The following ASB3 variants were observed in gnomAD, a reference collection of about 807,000 sequenced individuals.
ASB3 encodes ankyrin repeat and SOCS box protein 3.
A neutral mutation model predicts 54.5 loss-of-function variants in ASB3; 41 were observed. That is an observed-to-expected ratio of 0.75 (90% CI 0.59 to 0.98). The LOEUF is 0.98. Ranked by LOEUF, ASB3 falls within the 50% of genes least tolerant of loss-of-function variation. ASB3 has a pLI of 0.00. For synonymous variants in ASB3, 266 were observed against 221.2 expected, an observed-to-expected ratio of 1.20 and a Z score of -1.80; for missense variants, 733 against 620.0, an observed-to-expected ratio of 1.18 and a Z score of -1.94.
intron 5 of ASB3, among the ~76,000 whole-genome samples, chr2:53,719,083 G>C (rs1489696851): frequency 6.6e-6 from 1 of 152,076 alleles, no homozygotes; most frequent in African/African-American, 2.4e-5. Flanking sequence ...ACCACGCCCA[G>C]CTGATTTTTG....
At chr2:53,720,764 T>C (rs1237700727) in intron 5 of ASB3, among the ~76,000 whole-genome samples, 1 of 152,112 alleles carries the variant, frequency 6.6e-6, no homozygotes, top group Non-Finnish European at 1.5e-5. Context: ...ACTCCACTCA[T>C]CAACCACAGA....
At chr2:53,677,091 T>C (rs1233572184) in intron 9 of ASB3, among the ~76,000 whole-genome samples, 1 of 152,162 alleles carries the variant, frequency 6.6e-6, no homozygotes, top group Non-Finnish European at 1.5e-5. Flanking sequence ...TTACTGTACT[T>C]TTCCTATGTT....
intron 7 of ASB3, among the ~76,000 whole-genome samples, chr2:53,709,595 T>C (rs1276512656): frequency 1.3e-5 from 2 of 152,226 alleles, no homozygotes; most frequent in African/African-American, 2.4e-5. Context: ...AATAAAATGA[T>C]GGCATTTCCT....
intron 5 of ASB3, among the ~76,000 whole-genome samples, chr2:53,717,691 C>G (rs1012866020): frequency 3.3e-5 from 5 of 152,096 alleles, no homozygotes; most frequent in African/African-American, 1.2e-4. Flanking sequence ...GGTTCCTGAC[C>G]CAAATGGAAA....
intron 9 of ASB3, among the ~76,000 whole-genome samples, chr2:53,677,596 A>C (rs1486870981): frequency 6.6e-6 from 1 of 152,190 alleles, no homozygotes; most frequent in Non-Finnish European, 1.5e-5. Context: ...ATATTATTTC[A>C]GCCAGTTTTA....
chr2:53,776,512 TA>T (rs1477104415), intron 1 of ASB3, among the ~76,000 whole-genome samples: 3 of 152,204 alleles, frequency 2.0e-5, no homozygotes, highest in Non-Finnish European at 4.4e-5. Flanking sequence ...TATGGATTTC[TA>T]AAACCTTGAA....
chr2:53,700,505 T>G lies in ASB3; in HGVS notation c.1004A>C (p.Asn335Thr). The part of the protein sequence containing the change: ...QKDCEFFGIV[N>T]ILLKYGAQIN... ...CTGGGCTCCATATTTCAAAAGAATG[T>G]TCACAATTCCAAAGAACTCACAGCT... Residue 335 changes from asparagine (N) to threonine (T), a missense_variant, in exon 8 of 10, where the codon AAC (asparagine) becomes ACC (threonine). Asn to Thr is a moderately conservative substitution (Grantham distance 65). Coordinates refer to ENST00000263634, the MANE Select transcript of ASB3 (RefSeq NM_016115.5). 6.2e-7 allele frequency: 1 copy of G among 1,611,322 alleles called. No individual in the cohort carries two copies. Among genetic ancestry groups the G allele is most frequent in the Non-Finnish European group, 8.5e-7 (1 of 1,179,090 alleles).
chr2:53,775,465 C>G (rs1674272754), intron 1 of ASB3, among the ~76,000 whole-genome samples: 1 of 152,028 alleles, frequency 6.6e-6, no homozygotes, highest in Non-Finnish European at 1.5e-5. Context: ...CAGGCACCTC[C>G]TGGAATTATA....
intron 7 of ASB3, 31 bp downstream of exon 7, chr2:53,714,353 T>C (rs752195759): frequency 6.8e-6 from 11 of 1,606,124 alleles, no homozygotes; most frequent in Non-Finnish European, 9.3e-6. Flanking sequence ...CAAAAAAGAA[T>C]AAAAAATAAA....
At chr2:53,683,360 G>C (rs568810487) in intron 9 of ASB3, among the ~76,000 whole-genome samples, 1 of 151,868 alleles carries the variant, frequency 6.6e-6, no homozygotes, top group Admixed American at 6.6e-5. Context: ...TGTAGAATTC[G>C]GTTTGCTAGT....
chr2:53,776,497 A>G (rs1674344502), intron 1 of ASB3, among the ~76,000 whole-genome samples: 1 of 152,080 alleles, frequency 6.6e-6, no homozygotes, highest in African/African-American at 2.4e-5. Flanking sequence ...TTGGCAATCT[A>G]TTTTTATGGA....
At chr2:53,700,681 G>C (rs1384602437) in intron 7 of ASB3, 153 bp from the exon 8 acceptor site, 54 of 1,177,440 alleles carry the variant, frequency 4.6e-5, no homozygotes, top group Admixed American at 9.5e-5. Flanking sequence ...TGAGATTAGA[G>C]AATGTGGTGG....
chr2:53,703,227 C>T (rs1669587477), intron 7 of ASB3, among the ~76,000 whole-genome samples: 1 of 152,186 alleles, frequency 6.6e-6, no homozygotes, highest in Non-Finnish European at 1.5e-5. Context: ...AGATGGATTA[C>T]TCAATTACTC....
intron 9 of ASB3, among the ~76,000 whole-genome samples, chr2:53,680,279 C>T (rs144375198): frequency 6.6e-6 from 1 of 152,184 alleles, no homozygotes; most frequent in Non-Finnish European, 1.5e-5. Flanking sequence ...ATTGCTGGAT[C>T]GAACAGTATG....
At chr2:53,688,468 A>G (rs1572846057) in intron 9 of ASB3, among the ~76,000 whole-genome samples, 1 of 152,314 alleles carries the variant, frequency 6.6e-6, no homozygotes, top group South Asian at 2.1e-4. Flanking sequence ...AAGCTGAAAA[A>G]TCCAGTCTTT....
At position 53,723,544 on chromosome 2, in the gene ASB3, A is replaced by C. The variant is rs141439448; in HGVS notation, c.604+5168T>G. ...TTATGCTTCAATGCTATTCCTATCAAACTACCGACACCATTTTTTACAGAA... is the reference window on the plus strand; with the variant it reads ...TTATGCTTCAATGCTATTCCTATCACACTACCGACACCATTTTTTACAGAA... On this transcript the variant is annotated intron_variant, in intron 5 of 9. Coordinates refer to ENST00000263634, the MANE Select transcript of ASB3 (RefSeq NM_016115.5). Among the ~76,000 whole-genome samples the C allele has an allele frequency of 2.5e-3, 380 of 152,254 alleles. 1 individual carries two copies. The highest frequency in any genetic ancestry group is 8.9e-3 in the African/African-American group (370 of 41,550).
At chr2:53,677,988 A>C (rs1485349808) in intron 9 of ASB3, among the ~76,000 whole-genome samples, 1 of 152,102 alleles carries the variant, frequency 6.6e-6, no homozygotes, top group African/African-American at 2.4e-5. Context: ...AGCTCTTTTT[A>C]GCTTTTTAAA....
Position 53,727,080 on chromosome 2 carries a change from T to G in ASB3, c.604+1632A>C, listed in dbSNP as rs564814015. On this transcript the variant is annotated intron_variant, in intron 5 of 9. Transcript: ENST00000263634. ...AAGGAAGATCAGAAGTCAGAAGGCC[T>G]GGGTCCAAGCCCTGATTCTGCCAGG... is the stretch of plus-strand genomic sequence containing the variant. Among the ~76,000 whole-genome samples, 18 of 152,338 alleles carry G rather than the reference T, an allele frequency of 1.2e-4. No individual in the cohort carries two copies. The South Asian group carries it at 3.5e-3, about 30-fold the overall frequency.
intron 5 of ASB3, 146 bp from the exon 6 acceptor site, chr2:53,716,889 T>C (rs1670427914): frequency 2.1e-6 from 2 of 961,622 alleles, no homozygotes; most frequent in South Asian, 2.3e-5. Flanking sequence ...TATATAAACA[T>C]ATTTACTTTG....
Sources: gnomAD v4.1 joint callset for allele counts (sites outside exome capture counted in the v4.1 genomes callset) on GRCh38, gnomAD v4.1.1 for gene constraint, MANE v1.5 for transcripts, NCBI Gene and HGNC (gene_info 2026-07-23, HGNC 2026-07-21) for gene names.